Variants in AMN1 observed in about 807,000 individuals in gnomAD.
AMN1 encodes antagonist of mitotic exit network 1 homolog.
AMN1 carries 20 observed loss-of-function variants against 33.0 expected under a neutral mutation model. The observed-to-expected ratio is 0.61, with a 90% confidence interval of 0.43 to 0.88. The LOEUF is 0.88. Ranked by LOEUF, AMN1 falls within the 40% of genes least tolerant of loss-of-function variation. The probability of loss-of-function intolerance (pLI) is 0.00; values close to 1 mark genes in which losing one functional copy is unlikely to be tolerated. For synonymous variants in AMN1, 114 were observed against 111.9 expected (o/e 1.02, Z -0.12); for missense variants, 246 against 307.4 (o/e 0.80, Z 1.49).
chr12:31,727,898 AT>A (rs1246475980), intron 1 of AMN1, among the ~76,000 whole-genome samples: 3 of 151,972 alleles, frequency 2.0e-5, no homozygotes, highest in African/African-American at 7.3e-5. Flanking sequence ...CTCCTGGCTA[AT>A]TTTTGTATTT....
chr12:31,699,078 G>A (rs1938864125), intron 3 of AMN1, among the ~76,000 whole-genome samples: 1 of 151,956 alleles, frequency 6.6e-6, no homozygotes, highest in Non-Finnish European at 1.5e-5. Context: ...AGGGAATAGG[G>A]GATGGGGATT....
intron 6 of AMN1, among the ~76,000 whole-genome samples, chr12:31,685,575 C>T (rs1010786102): frequency 1.8e-4 from 27 of 152,064 alleles, no homozygotes; most frequent in African/African-American, 6.5e-4. Flanking sequence ...CCAAGGCGGG[C>T]AGATCACCTG....
chr12:31,725,302 T>TTCTCAGGCCCCACAGTTGGCACAGGCAG (rs1378344369), intron 1 of AMN1, among the ~76,000 whole-genome samples: 1 of 152,194 alleles, frequency 6.6e-6, no homozygotes, highest in African/African-American at 2.4e-5. Context: ...GTGGTGTTGA[T>TTCTCAGGCCCCACAGTTGGCACAGGCAG]TCTCAGGCCC....
intron 1 of AMN1, 121 bp downstream of exon 1, chr12:31,728,850 G>A (rs904863118): frequency 2.2e-5 from 25 of 1,134,876 alleles, no homozygotes; most frequent in Non-Finnish European, 3.1e-5. Flanking sequence ...CACACGCGGG[G>A]CCTCTTCAGA....
At chr12:31,726,083 C>T (rs764402991) in intron 1 of AMN1, among the ~76,000 whole-genome samples, 1 of 152,184 alleles carries the variant, frequency 6.6e-6, no homozygotes, top group Non-Finnish European at 1.5e-5. Flanking sequence ...TTCATTTTCC[C>T]CGTAAGACAC....
intron 1 of AMN1, among the ~76,000 whole-genome samples, chr12:31,713,318 TCTA>T (rs567466510): frequency 3.9e-5 from 6 of 152,336 alleles, no homozygotes; most frequent in Admixed American, 2.0e-4. Context: ...ATTATCTAAT[TCTA>T]CTATATTCTT....
At chr12:31,688,845 A>T (rs1303958389) in intron 6 of AMN1, among the ~76,000 whole-genome samples, 162 bp downstream of exon 6, 3 of 144,608 alleles carry the variant, frequency 2.1e-5, no homozygotes, top group Non-Finnish European at 1.6e-5. Context: ...TAAAATAAAG[A>T]ATTGTCAGAT....
intron 1 of AMN1, among the ~76,000 whole-genome samples, 158 bp from the exon 2 acceptor site, chr12:31,709,583 C>G (rs1939390225): frequency 1.3e-5 from 2 of 152,130 alleles, no homozygotes; most frequent in Non-Finnish European, 2.9e-5. Flanking sequence ...CTTTGGGAAG[C>G]CCAGGCAGGA....
intron 5 of AMN1, among the ~76,000 whole-genome samples, chr12:31,693,939 GA>G (rs1938610805): frequency 6.6e-6 from 1 of 152,124 alleles, no homozygotes; most frequent in East Asian, 1.9e-4. Context: ...CCAAAGTGCT[GA>G]AATTACAGAA....
At position 31,683,579 on chromosome 12, in the gene AMN1, A is replaced by ATCTTAT. The variant is rs1489909276; in HGVS notation, c.703+5427_703+5428insATAAGA. Among the ~76,000 whole-genome samples, 1 of 151,424 alleles carries ATCTTAT rather than the reference A, an allele frequency of 6.6e-6. No individual in the cohort carries two copies. The highest frequency in any genetic ancestry group is 1.5e-5 in the Non-Finnish European group (1 of 67,616). Reference sequence around the variant, plus strand: ...GTCTTTCCTGTGCTGTTCTTATGATAGTAAATAAGTCTCATGAGATCTGAT... The same window carrying ATCTTAT: ...GTCTTTCCTGTGCTGTTCTTATGATATCTTATGTAAATAAGTCTCATGAGATCTGAT... On this transcript the variant is annotated intron_variant, in intron 6 of 6. Coordinates refer to ENST00000281471, the MANE Select transcript of AMN1 (RefSeq NM_001113402.2). The surrounding 1 kb of genome is among the most constrained non-coding windows in gnomAD (Gnocchi z 4.1).
At chr12:31,728,723 G>A (rs562593974) in intron 1 of AMN1, among the ~76,000 whole-genome samples, 11 of 152,348 alleles carry the variant, frequency 7.2e-5, no homozygotes, top group South Asian at 6.2e-4. Flanking sequence ...CAAGGCTGAC[G>A]GAGGAATGGA....
At chr12:31,694,679 A>G (rs1373883322) in intron 5 of AMN1, among the ~76,000 whole-genome samples, 1 of 152,102 alleles carries the variant, frequency 6.6e-6, no homozygotes, top group African/African-American at 2.4e-5. Flanking sequence ...CAGGGCAGTC[A>G]AGGCTGCTGT....
chr12:31,680,882 G>A (rs986387233), intron 6 of AMN1, among the ~76,000 whole-genome samples: 3 of 152,042 alleles, frequency 2.0e-5, no homozygotes, highest in African/African-American at 4.8e-5. Context: ...AAGGTGTCAC[G>A]AAAGAAGAAA....
At chr12:31,708,633 T>G (rs1480013065) in intron 2 of AMN1, 2 of 158,472 alleles carry the variant, frequency 1.3e-5, no homozygotes, top group African/African-American at 4.8e-5. Flanking sequence ...TTTGAAATCC[T>G]TAATAAAAAC....
intron 1 of AMN1, among the ~76,000 whole-genome samples, chr12:31,710,717 C>T (rs1467625096): frequency 6.6e-6 from 1 of 152,244 alleles, no homozygotes. Flanking sequence ...TACTGATTCT[C>T]CCTTAATGGT....
At chr12:31,698,521 C>A (rs1938838287) in intron 3 of AMN1, among the ~76,000 whole-genome samples, 1 of 150,020 alleles carries the variant, frequency 6.7e-6, no homozygotes, top group African/African-American at 2.5e-5. Flanking sequence ...TCCTGAGGGT[C>A]AAAAAAGAGA....
chr12:31,692,532 T>C (rs1055539660), intron 5 of AMN1, among the ~76,000 whole-genome samples: 3 of 152,056 alleles, frequency 2.0e-5, no homozygotes, highest in Non-Finnish European at 2.9e-5. Context: ...ATTAGGGTCT[T>C]ACTGAAATTG....
chr12:31,700,672 T>G (rs963565981), intron 3 of AMN1, among the ~76,000 whole-genome samples: 1 of 152,124 alleles, frequency 6.6e-6, no homozygotes, highest in South Asian at 2.1e-4. Flanking sequence ...GTTTTGTTTT[T>G]TTTTTAGTTT....
intron 6 of AMN1, chr12:31,673,057 C>T (rs1487531026): frequency 6.6e-6 from 1 of 151,904 alleles, no homozygotes; most frequent in Non-Finnish European, 1.5e-5. Flanking sequence ...ATATGGTTTC[C>T]ATCCTAGTTT....
Sources: gnomAD v4.1 joint callset for allele counts (sites outside exome capture counted in the v4.1 genomes callset) on GRCh38, gnomAD v4.1.1 for gene constraint, Gnocchi (gnomAD v3.1) non-coding constraint, MANE v1.5 for transcripts, NCBI Gene and HGNC (gene_info 2026-07-23, HGNC 2026-07-21) for gene names.